Variants in PCDHA4 observed in about 807,000 individuals in gnomAD.
PCDHA4 encodes the protein protocadherin alpha 4, also known as protocadherin alpha-4.
PCDHA4 carries 49 observed loss-of-function variants against 61.4 expected under a neutral mutation model. The observed-to-expected ratio is 0.80, with a 90% CI of 0.63 to 1.01. The LOEUF is 1.01. Ranked by LOEUF, PCDHA4 falls within the 50% of genes least tolerant of loss-of-function variation. The probability of loss-of-function intolerance (pLI) is 0.00; values close to 1 mark genes in which losing one functional copy is unlikely to be tolerated. For synonymous variants in PCDHA4, 590 were observed against 550.3 expected (o/e 1.07, Z -1.01); for missense variants, 1,254 against 1,235.8 (o/e 1.01, Z -0.22).
chr5:140,964,338 G>T (rs2153739261), intron 1 of PCDHA4, among the ~76,000 whole-genome samples: 1 of 152,320 alleles, frequency 6.6e-6, no homozygotes, highest in South Asian at 2.1e-4. Flanking sequence ...AACCTGGCAG[G>T]TGTCCTTGCT....
Position 140,834,387 on chromosome 5 carries a change from G to A in PCDHA4, c.2385+24815G>A, listed in dbSNP as rs141534918. The A allele has an allele frequency of 6.3e-5, 99 of 1,583,890 alleles. No homozygotes were observed. Among genetic ancestry groups the A allele is most frequent in the Non-Finnish European group, 8.4e-5 (98 of 1,164,446 alleles). ...AAAAACAAGCCAATAATTTGAAATG[G>A]TGTGCCCGAATGGATACGACCCAGG... On this transcript the variant is annotated intron_variant, in intron 1 of 3. Coordinates refer to ENST00000530339, the MANE Select transcript of PCDHA4 (RefSeq NM_018907.4).
At chr5:140,870,941 C>A in intron 1 of PCDHA4, 1 of 1,613,712 alleles carries the variant, frequency 6.2e-7, no homozygotes, top group Non-Finnish European at 8.5e-7. Context: ...TTGCAGCCGG[C>A]GGCGGGCGGC....
chr5:140,852,052 A>G, intron 1 of PCDHA4: 1 of 915,096 alleles, frequency 1.1e-6, no homozygotes, highest in Non-Finnish European at 1.3e-6. Flanking sequence ...TATGTGGTTT[A>G]TATTTTTCTT....
Position 140,808,263 on chromosome 5 carries a change from T to A in PCDHA4, c.1076T>A (p.Ile359Asn), listed in dbSNP as rs782815888. Residue 359 changes from isoleucine (I) to asparagine (N), a missense_variant, in exon 1 of 4, where the codon ATT becomes AAT. By Grantham distance (149) the Ile-to-Asn change is moderately radical. Transcript: ENST00000530339. ...GAATTCAAGTCTTTATCACTTCCAATTAGAGAGGACGCTCCACTGGGTACA... is the reference window on the plus strand; with the variant it reads ...GAATTCAAGTCTTTATCACTTCCAAATAGAGAGGACGCTCCACTGGGTACA... The part of the protein sequence containing the change: ...DLEFKSLSLP[I>N]REDAPLGTVI... 2 of 1,614,224 alleles carry A rather than the reference T, an allele frequency of 1.2e-6. No homozygotes were observed. The highest frequency in any genetic ancestry group is 2.7e-5 in the African/African-American group (2 of 75,048).
chr5:140,898,733 A>C (rs1401773719), intron 1 of PCDHA4, among the ~76,000 whole-genome samples: 1 of 152,154 alleles, frequency 6.6e-6, no homozygotes, highest in Non-Finnish European at 1.5e-5. Flanking sequence ...GAAGAAAGTC[A>C]TTGGTAGCTT....
chr5:140,856,440 G>A, intron 1 of PCDHA4: 1 of 1,598,404 alleles, frequency 6.3e-7, no homozygotes, highest in Non-Finnish European at 8.6e-7. Context: ...AACCCGCCCA[G>A]GTTCTCCGTA....
intron 1 of PCDHA4, chr5:140,883,224 C>T (rs782659730): frequency 1.2e-6 from 2 of 1,613,946 alleles, no homozygotes; most frequent in Non-Finnish European, 1.7e-6. Flanking sequence ...TATGAAATAT[C>T]CGTGGAGGCA....
chr5:140,834,611 G>A, intron 1 of PCDHA4: 1 of 1,614,162 alleles, frequency 6.2e-7, no homozygotes, highest in Non-Finnish European at 8.5e-7. Context: ...ATCTTCTGGA[G>A]GTAAATCTGC....
intron 1 of PCDHA4, chr5:140,870,875 C>T (rs1235290760): frequency 3.7e-6 from 6 of 1,613,912 alleles, no homozygotes; most frequent in Non-Finnish European, 5.1e-6. Context: ...CACGTGGTGG[C>T]GAAGGTGCGC....
chr5:141,005,287 A>AT (rs1405339052), intron 3 of PCDHA4, among the ~76,000 whole-genome samples: 5 of 152,162 alleles, frequency 3.3e-5, no homozygotes, highest in Admixed American at 1.3e-4. Context: ...AAACAGATAC[A>AT]TTTTTTGCCT....
intron 1 of PCDHA4, chr5:140,969,386 C>G (rs782109093): frequency 6.3e-7 from 1 of 1,596,966 alleles, no homozygotes; most frequent in South Asian, 1.1e-5. Flanking sequence ...TACACATCCC[C>G]CAATATCCTG....
At chr5:140,844,198 T>C (rs1163968581) in intron 1 of PCDHA4, among the ~76,000 whole-genome samples, 4 of 149,848 alleles carry the variant, frequency 2.7e-5, no homozygotes, top group South Asian at 4.2e-4. Context: ...TCTGACTTTT[T>C]AGTGTCTGGT....
intron 1 of PCDHA4, among the ~76,000 whole-genome samples, chr5:140,944,406 C>G (rs1003379783): frequency 6.6e-6 from 1 of 152,084 alleles, no homozygotes; most frequent in African/African-American, 2.4e-5. Flanking sequence ...AGGCTGGTCT[C>G]GAACTCCTGA....
At chr5:140,862,664 C>A in intron 1 of PCDHA4, 1 of 547,450 alleles carries the variant, frequency 1.8e-6, no homozygotes, top group Non-Finnish European at 3.7e-6. Flanking sequence ...GACCGGGACG[C>A]GCAGGAGAAC....
At chr5:140,906,323 A>C (rs1487570044) in intron 1 of PCDHA4, among the ~76,000 whole-genome samples, 1 of 152,212 alleles carries the variant, frequency 6.6e-6, no homozygotes, top group Admixed American at 6.5e-5. Flanking sequence ...AACATGATAC[A>C]ACTATCCTTC....
intron 3 of PCDHA4, among the ~76,000 whole-genome samples, chr5:140,984,315 C>G (rs1254013417): frequency 1.3e-5 from 2 of 152,124 alleles, no homozygotes; most frequent in African/African-American, 4.8e-5. Flanking sequence ...GTGTGTATTC[C>G]TAGGCAAATG....
intron 3 of PCDHA4, among the ~76,000 whole-genome samples, chr5:140,983,419 A>G (rs1209385386): frequency 5.3e-5 from 8 of 152,210 alleles, no homozygotes; most frequent in Non-Finnish European, 1.2e-4. Flanking sequence ...GTGTTGGTAG[A>G]GACCACAAAT....
chr5:140,928,622 G>C, intron 1 of PCDHA4: 1 of 1,614,226 alleles, frequency 6.2e-7, no homozygotes, highest in South Asian at 1.1e-5. Flanking sequence ...GCCAGGACTG[G>C]ACACTTGGTC....
intron 1 of PCDHA4, chr5:140,884,364 A>G: frequency 1.2e-6 from 2 of 1,613,884 alleles, no homozygotes; most frequent in Non-Finnish European, 1.7e-6. Flanking sequence ...GTCAATGTTT[A>G]CTTGATCATT....
Sources: gnomAD v4.1 joint callset for allele counts (sites outside exome capture counted in the v4.1 genomes callset) on GRCh38, gnomAD v4.1.1 for gene constraint, MANE v1.5 for transcripts, NCBI Gene and HGNC (gene_info 2026-07-23, HGNC 2026-07-21) for gene names.